COP1: variants seen among roughly 807,000 people sequenced by gnomAD.
COP1 encodes COP1 E3 ubiquitin ligase.
A neutral mutation model predicts 101.3 loss-of-function variants in COP1; 24 were observed. The ratio of observed to expected loss-of-function variants is 0.24; its 90% CI spans 0.17 to 0.33. COP1 has a LOEUF of 0.33. Among genes scored for constraint, COP1 ranks in the 10% least tolerant of loss-of-function variants. COP1 has a pLI of 1.00. For synonymous variants in COP1, 347 were observed against 341.9 expected, an observed-to-expected ratio of 1.01 and a Z score of -0.17; for missense variants, 663 against 906.2, an observed-to-expected ratio of 0.73 and a Z score of 3.45.
chr1:176,169,472 C>T (rs931226637), intron 3 of COP1, among the ~76,000 whole-genome samples: 1 of 152,070 alleles, frequency 6.6e-6, no homozygotes, highest in Admixed American at 6.5e-5. Flanking sequence ...TTGGAGAAAT[C>T]GCAGGTTCGG....
At chr1:176,028,799 G>C (rs1319431917) in intron 14 of COP1, among the ~76,000 whole-genome samples, 2 of 144,790 alleles carry the variant, frequency 1.4e-5, no homozygotes, top group African/African-American at 5.1e-5. Flanking sequence ...TGTCATTCAG[G>C]CTGGAGTGCA....
chr1:176,132,025 G>A lies in COP1; in HGVS notation c.968+2985C>T, dbSNP rs1175528026. The stretch of plus-strand genomic sequence containing the variant: ...CTTCATGAAATCTAGTATGTTTTAC[G>A]AGATCTGCTACTTTATTTTACAATA... On this transcript the variant is annotated intron_variant, in intron 8 of 19. Transcript: ENST00000367669. 4.0e-5 allele frequency among the ~76,000 whole-genome samples: 6 copies of A among 151,086 alleles called. No individual in the cohort carries two copies. The East Asian group carries it at 9.7e-4, about 24-fold the overall frequency.
chr1:175,954,506 G>A (rs997467073), intron 18 of COP1, among the ~76,000 whole-genome samples: 3 of 151,894 alleles, frequency 2.0e-5, no homozygotes, highest in Non-Finnish European at 2.9e-5. Context: ...AAATTGATAC[G>A]CCTTAACAAA....
intron 15 of COP1, chr1:176,017,525 A>G (rs923404609): frequency 1.3e-5 from 2 of 151,904 alleles, no homozygotes; most frequent in African/African-American, 2.4e-5. Context: ...CATTACTTTT[A>G]TTTTTATTTA....
intron 15 of COP1, among the ~76,000 whole-genome samples, chr1:176,006,019 A>T (rs1663097621): frequency 6.6e-6 from 1 of 152,082 alleles, no homozygotes; most frequent in Admixed American, 6.5e-5. Flanking sequence ...TTGCTTTATG[A>T]GTCTGGGTGC....
chr1:176,182,178 A>G (rs1697878915), intron 2 of COP1, among the ~76,000 whole-genome samples: 1 of 152,254 alleles, frequency 6.6e-6, no homozygotes, highest in African/African-American at 2.4e-5. Context: ...AAGAAAATTA[A>G]AAACCTCACT....
intron 8 of COP1, among the ~76,000 whole-genome samples, chr1:176,130,889 A>G (rs986694626): frequency 6.6e-6 from 1 of 151,834 alleles, no homozygotes; most frequent in African/African-American, 2.4e-5. Context: ...TCTTTACAAA[A>G]CAAAACAAGT....
chr1:176,063,351 C>T (rs1012641543), intron 11 of COP1, among the ~76,000 whole-genome samples: 26 of 152,120 alleles, frequency 1.7e-4, no homozygotes, highest in African/African-American at 6.0e-4. Flanking sequence ...TGAGCCACCG[C>T]GCCTGGCCCG....
At chr1:176,135,190 TC>T in intron 7 of COP1, 104 bp from the exon 8 acceptor site, 1 of 662,072 alleles carries the variant, frequency 1.5e-6, no homozygotes, top group South Asian at 2.6e-5. Flanking sequence ...TTTTCATCAG[TC>T]CCTGTTTGTC....
intron 14 of COP1, among the ~76,000 whole-genome samples, chr1:176,032,262 C>T (rs543618631): frequency 1.3e-5 from 2 of 152,162 alleles, no homozygotes; most frequent in East Asian, 3.9e-4. Flanking sequence ...CCATAAAACT[C>T]AGGGGCAATG....
chr1:176,189,703 C>T (rs1558288547), intron 1 of COP1, among the ~76,000 whole-genome samples: 1 of 151,146 alleles, frequency 6.6e-6, no homozygotes. Context: ...ATTTATCTTT[C>T]ATCACTAAAA....
At position 175,968,393 on chromosome 1, in the gene COP1, T is replaced by C. The variant is rs776642915; in HGVS notation, c.2133+18550A>G. On this transcript the variant is annotated intron_variant, in intron 18 of 19. Coordinates refer to ENST00000367669, the MANE Select transcript of COP1 (RefSeq NM_022457.7). Reference sequence around the variant, plus strand: ...AACCAAGTATTTAGAGTGGCAGTTTTAAAGGCTGTACGGAGGGGAACGATC... The same window carrying C: ...AACCAAGTATTTAGAGTGGCAGTTTCAAAGGCTGTACGGAGGGGAACGATC... 5.9e-6 allele frequency: 3 copies of C among 506,160 alleles called. No homozygotes were observed. The Admixed American group carries it at 6.1e-5, about 10-fold the overall frequency. The allele number at this position is 506,160 out of a possible 1,614,324, so 31.4% of individuals were successfully genotyped here. A position where few individuals can be genotyped will look rare whatever the true frequency, so the allele number is the denominator to read the frequency against.
intron 14 of COP1, among the ~76,000 whole-genome samples, chr1:176,039,715 A>G (rs1242906174): frequency 6.6e-6 from 1 of 152,224 alleles, no homozygotes; most frequent in Non-Finnish European, 1.5e-5. Context: ...TGGTATTGAC[A>G]TATAAACCAA....
chr1:176,063,166 T>G (rs1355203578), intron 11 of COP1, among the ~76,000 whole-genome samples: 2 of 146,814 alleles, frequency 1.4e-5, no homozygotes, highest in Admixed American at 1.4e-4. Flanking sequence ...TTCACGCCAT[T>G]CTCCTGCCTC....
Position 176,207,089 on chromosome 1 carries a change from C to T in COP1, c.-111G>A. The T allele has an allele frequency of 2.3e-6, 2 of 873,262 alleles. No homozygotes were observed. Among genetic ancestry groups the T allele is most frequent in the Non-Finnish European group, 3.1e-6 (2 of 637,146 alleles). 54.1% of individuals were successfully genotyped at this position (873,262 alleles called of 1,614,324 possible). ...GTGCATCCTGAGGACGCCCGCCGAG[C>T]CGGAGGTGGGGCTGAGGAACAATAA... On this transcript the variant is annotated 5_prime_UTR_variant, in exon 1 of 20. Transcript: ENST00000367669.
At chr1:176,041,646 C>T (rs2149167415) in intron 14 of COP1, among the ~76,000 whole-genome samples, 1 of 152,280 alleles carries the variant, frequency 6.6e-6, no homozygotes, top group Middle Eastern at 3.4e-3. Context: ...AGCTACCACG[C>T]CCGGCCCCTG....
Position 175,994,901 on chromosome 1 carries a change from G to C in COP1, c.1730-5422C>G, listed in dbSNP as rs544520397. Among the ~76,000 whole-genome samples, 305 of 152,192 alleles carry C rather than the reference G, an allele frequency of 2.0e-3. 2 individuals carry two copies. Among genetic ancestry groups the C allele is most frequent in the Middle Eastern group, 0.01 (3 of 294 alleles). ...AGCTCTGCACCAAGCAGACTTAATG[G>C]ACATCTACAGAACTCTCCACCCCAA... On this transcript the variant is annotated intron_variant, in intron 15 of 19. Transcript: ENST00000367669.
At chr1:176,177,459 T>A (rs1316770066) in intron 2 of COP1, among the ~76,000 whole-genome samples, 1 of 151,972 alleles carries the variant, frequency 6.6e-6, no homozygotes, top group Non-Finnish European at 1.5e-5. Context: ...TAAAAAATCA[T>A]ATATGTGTAC....
chr1:176,064,829 GC>G lies in COP1; in HGVS notation c.1277+16322del, dbSNP rs565310249. ...TGTAGAGATGGAGTTTCACCATGTT[GC>G]CCAGACTGGTCTCGAGCTCCTGGGC... On this transcript the variant is annotated intron_variant, in intron 11 of 19. Coordinates refer to ENST00000367669, the MANE Select transcript of COP1 (RefSeq NM_022457.7). Among the ~76,000 whole-genome samples the G allele has an allele frequency of 1.3e-3, 193 of 151,938 alleles. 2 individuals carry two copies. The highest frequency in any genetic ancestry group is 4.4e-3 in the African/African-American group (183 of 41,422).
Sources: allele counts gnomAD v4.1 joint callset (sites outside exome capture counted in the v4.1 genomes callset), GRCh38; gene constraint gnomAD v4.1.1; transcripts MANE v1.5; gene names NCBI Gene and HGNC (gene_info 2026-07-23, HGNC 2026-07-21).